ZC3H12B: variants seen among roughly 807,000 people sequenced by gnomAD.
The protein encoded by ZC3H12B is probable ribonuclease ZC3H12B.
A neutral mutation model predicts 43.9 loss-of-function variants in ZC3H12B; 7 were observed. That is an observed-to-expected ratio of 0.16 (90% CI 0.09 to 0.30). The LOEUF is 0.30. Ranked by LOEUF, ZC3H12B falls within the 10% of genes least tolerant of loss-of-function variation. ZC3H12B has a pLI of 1.00. For missense variants in ZC3H12B, 475 were observed against 670.2 expected, an observed-to-expected ratio of 0.71 and a Z score of 3.22; for synonymous variants, 222 against 241.7, an observed-to-expected ratio of 0.92 and a Z score of 0.76.
chrX:65,330,847 G>C, the ZC3H12B span: 1 of 203,319 alleles, frequency 4.9e-6, no homozygotes. Flanking sequence ...CAAAAATGCT[G>C]CAGAATCTCA....
chrX:65,083,009 AC>A, the ZC3H12B span, among the ~76,000 whole-genome samples: 2 of 111,346 alleles, frequency 1.8e-5, no homozygotes, highest in Non-Finnish European at 1.9e-5. Flanking sequence ...GAAAAAAAAA[AC>A]ATATGGTCAT....
chrX:65,278,091 T>G, the ZC3H12B span, among the ~76,000 whole-genome samples: 1 of 111,771 alleles, frequency 8.9e-6, no homozygotes, highest in South Asian at 3.7e-4. Context: ...ACATTGTGTG[T>G]GATCCATCAC....
At chrX:65,192,249 G>A in the ZC3H12B span, among the ~76,000 whole-genome samples, 1 of 111,078 alleles carries the variant, frequency 9.0e-6, no homozygotes, top group Admixed American at 9.6e-5. Flanking sequence ...AATAGGTGTG[G>A]TGTGGTGCTG....
At chrX:65,200,047 T>A in the ZC3H12B span, among the ~76,000 whole-genome samples, 1 of 111,615 alleles carries the variant, frequency 9.0e-6, no homozygotes, top group East Asian at 2.8e-4. Flanking sequence ...CCTTCTACAA[T>A]GGTTGAACTA....
chrX:65,218,395 C>G, the ZC3H12B span, among the ~76,000 whole-genome samples: 1 of 112,204 alleles, frequency 8.9e-6, no homozygotes, highest in African/African-American at 3.2e-5. Context: ...GCTTTCTCAG[C>G]TAGGAGGCTT....
intron 3 of ZC3H12B, among the ~76,000 whole-genome samples, chrX:65,427,918 A>T (rs1225406451): frequency 9.0e-6 from 1 of 111,408 alleles, no homozygotes; most frequent in Non-Finnish European, 1.9e-5. Context: ...TTCCTCCCAT[A>T]TTGAGTGCTT....
chrX:65,036,731 T>C, the ZC3H12B span, among the ~76,000 whole-genome samples: 3 of 110,816 alleles, frequency 2.7e-5, no homozygotes, highest in Non-Finnish European at 5.7e-5. Flanking sequence ...TGGAAAAGCT[T>C]TTGATGAATT....
At chrX:65,257,066 C>G in the ZC3H12B span, among the ~76,000 whole-genome samples, 1 of 111,639 alleles carries the variant, frequency 9.0e-6, no homozygotes, top group African/African-American at 3.3e-5. Context: ...GGATCTAGAA[C>G]TAGAAATACC....
chrX:65,347,253 A>G, the ZC3H12B span, among the ~76,000 whole-genome samples: 1 of 111,841 alleles, frequency 8.9e-6, no homozygotes, highest in Non-Finnish European at 1.9e-5. Context: ...ACAGAAAGGA[A>G]GAGCACATCC....
At chrX:65,364,870 C>A (rs2147968936), upstream of ZC3H12B, among the ~76,000 whole-genome samples, 1 of 111,514 alleles carries the variant, frequency 9.0e-6, no homozygotes, top group East Asian at 2.8e-4. Context: ...CTGCCCAGGA[C>A]TGGCAAACTG....
chrX:65,259,735 G>A, the ZC3H12B span, among the ~76,000 whole-genome samples: 3 of 111,770 alleles, frequency 2.7e-5, no homozygotes, highest in African/African-American at 9.7e-5. Context: ...CTACCCAAAG[G>A]AAAAGAAGTC....
At chrX:65,383,262 T>A (rs372532491) in intron 2 of ZC3H12B, among the ~76,000 whole-genome samples, 1 of 111,069 alleles carries the variant, frequency 9.0e-6, no homozygotes, top group African/African-American at 3.3e-5. Context: ...GAGATATAGA[T>A]CAATGGAACA....
chrX:65,275,943 A>C, the ZC3H12B span, among the ~76,000 whole-genome samples: 1 of 112,035 alleles, frequency 8.9e-6, no homozygotes, highest in African/African-American at 3.2e-5. Flanking sequence ...CAATTCAATA[A>C]AATCAGGAAA....
chrX:65,112,292 A>G, the ZC3H12B span, among the ~76,000 whole-genome samples: 1 of 112,388 alleles, frequency 8.9e-6, no homozygotes, highest in East Asian at 2.8e-4. Context: ...AAGTTGGTTC[A>G]TGAGGTTTAA....
chrX:65,161,559 GT>G, the ZC3H12B span, among the ~76,000 whole-genome samples: 4 of 111,539 alleles, frequency 3.6e-5, no homozygotes, highest in Admixed American at 3.8e-4. Flanking sequence ...TTTAAAGTCT[GT>G]TTTATCAGAG....
chrX:65,196,914 T>C, the ZC3H12B span, among the ~76,000 whole-genome samples: 4 of 111,907 alleles, frequency 3.6e-5, no homozygotes, highest in Non-Finnish European at 7.5e-5. Flanking sequence ...ATTAAAAGGA[T>C]AGCTCTTAGC....
chrX:65,384,525 AT>A (rs892529925), intron 2 of ZC3H12B, among the ~76,000 whole-genome samples: 16 of 110,868 alleles, frequency 1.4e-4, no homozygotes, highest in East Asian at 2.8e-4. Context: ...TAATAAATAA[AT>A]TTTTTTTAAA....
the ZC3H12B span, among the ~76,000 whole-genome samples, chrX:65,193,087 A>G: frequency 1.9e-5 from 2 of 106,599 alleles, no homozygotes; most frequent in Non-Finnish European, 3.8e-5. Context: ...CATCAATATT[A>G]ATCAGTGATA....
At chrX:65,378,401 A>G (rs914131655) in intron 2 of ZC3H12B, among the ~76,000 whole-genome samples, 4 of 111,725 alleles carry the variant, frequency 3.6e-5, no homozygotes, top group African/African-American at 9.8e-5. Flanking sequence ...CACTCTGAAA[A>G]TAATGGGTTA....
Sources: gnomAD v4.1 joint callset for allele counts (sites outside exome capture counted in the v4.1 genomes callset) on GRCh38, gnomAD v4.1.1 for gene constraint, MANE v1.5 for transcripts, NCBI Gene and HGNC (gene_info 2026-07-23, HGNC 2026-07-21) for gene names.